UTP20: variants seen among roughly 807,000 people sequenced by gnomAD.
The protein encoded by UTP20 is UTP20 small subunit processome component.
UTP20 carries 164 observed loss-of-function variants against 329.5 expected under a neutral mutation model. The ratio of observed to expected loss-of-function variants is 0.50; its 90% confidence interval spans 0.44 to 0.57. The LOEUF (loss-of-function observed/expected upper bound fraction) is 0.57. Among genes scored for constraint, UTP20 ranks in the 20% least tolerant of loss-of-function variants. UTP20 has a pLI of 0.00. For missense variants in UTP20, 3,055 were observed against 3,284.2 expected (o/e 0.93, Z 1.71); for synonymous variants, 1,151 against 1,159.3 (o/e 0.99, Z 0.14).
chr12:101,368,530 T>C (rs1440894949), intron 48 of UTP20, among the ~76,000 whole-genome samples: 1 of 152,142 alleles, frequency 6.6e-6, no homozygotes, highest in Non-Finnish European at 1.5e-5. Flanking sequence ...TAAATTTGGA[T>C]AGCCTTTAAC....
intron 38 of UTP20, among the ~76,000 whole-genome samples, chr12:101,350,287 C>G (rs181158362): frequency 1.3e-5 from 2 of 152,240 alleles, no homozygotes; most frequent in African/African-American, 4.8e-5. Context: ...CTACCTCTGC[C>G]TCCCAAGTAC....
intron 28 of UTP20, 152 bp downstream of exon 28, chr12:101,333,596 C>G (rs1263756054): frequency 2.0e-6 from 2 of 984,924 alleles, no homozygotes; most frequent in Non-Finnish European, 3.0e-6. Flanking sequence ...GAACACTTTT[C>G]TTTGCCTTCA....
At chr12:101,340,028 A>C (rs568886776) in intron 31 of UTP20, among the ~76,000 whole-genome samples, 1 of 152,302 alleles carries the variant, frequency 6.6e-6, no homozygotes, top group African/African-American at 2.4e-5. Flanking sequence ...GAAAGACCAG[A>C]GTTTGAAAGA....
At chr12:101,370,344 A>G in intron 49 of UTP20, 88 bp from the exon 50 acceptor site, 1 of 1,419,302 alleles carries the variant, frequency 7.0e-7, no homozygotes, top group South Asian at 1.6e-5. Flanking sequence ...GGAAAAGCAT[A>G]CTTGTGTGTT....
chr12:101,309,732 C>G, intron 18 of UTP20, 31 bp from the exon 19 acceptor site: 2 of 1,597,262 alleles, frequency 1.3e-6, no homozygotes, highest in Non-Finnish European at 1.7e-6. Context: ...ATTTCATTAC[C>G]CAATACTAAA....
intron 18 of UTP20, among the ~76,000 whole-genome samples, chr12:101,308,596 A>G (rs1872699222): frequency 1.3e-5 from 2 of 152,124 alleles, no homozygotes; most frequent in Admixed American, 1.3e-4. Context: ...ACCTTTTTAG[A>G]AATGAGTAAG....
Position 101,356,551 on chromosome 12 carries a change from C to T in UTP20, c.5395-3C>T, listed in dbSNP as rs377377428. 13 of 1,601,898 alleles carry T rather than the reference C, an allele frequency of 8.1e-6. No homozygotes were observed. The South Asian group carries it at 9.0e-5, about 11-fold the overall frequency. On this transcript the variant is annotated splice_polypyrimidine_tract_variant and splice_region_variant and intron_variant, in intron 41 of 61. Coordinates refer to ENST00000261637, the MANE Select transcript of UTP20 (RefSeq NM_014503.3). ...TTTAGCTTAACCTAAATTTTTCTTACAGACTAAAAGGGAAGAAGAACACAA... is the reference window on the plus strand; with the variant it reads ...TTTAGCTTAACCTAAATTTTTCTTATAGACTAAAAGGGAAGAAGAACACAA...
Position 101,381,134 on chromosome 12 carries a change from T to C in UTP20, c.7585-6T>C. 1 of 1,612,500 alleles carries C rather than the reference T, an allele frequency of 6.2e-7. No individual in the cohort carries two copies. Among genetic ancestry groups the C allele is most frequent in the Non-Finnish European group, 8.5e-7 (1 of 1,178,518 alleles). On this transcript the variant is annotated splice_region_variant and splice_polypyrimidine_tract_variant and intron_variant, in intron 57 of 61. Transcript: ENST00000261637. The stretch of plus-strand genomic sequence containing the variant: ...TTGTCTACCAATGTCCATTTTCTTT[T>C]CACAGATGAAAAGTATCTCTCTCGC...
At chr12:101,381,313 C>T (rs76515611) in intron 58 of UTP20, 102 bp downstream of exon 58, 4 of 990,860 alleles carry the variant, frequency 4.0e-6, no homozygotes, top group African/African-American at 1.6e-5. Flanking sequence ...GGCCAGATCA[C>T]CCCGAGGTCA....
intron 61 of UTP20, 54 bp downstream of exon 61, chr12:101,385,782 G>C: frequency 6.4e-7 from 1 of 1,574,202 alleles, no homozygotes; most frequent in Non-Finnish European, 8.6e-7. Context: ...TAACTACTAA[G>C]TGTGCATGTT....
chr12:101,289,354 G>A (rs1872063034), intron 6 of UTP20, among the ~76,000 whole-genome samples: 1 of 150,268 alleles, frequency 6.7e-6, no homozygotes, highest in African/African-American at 2.4e-5. Context: ...TCCAGCCTAG[G>A]CGACAGAGCA....
rs775349192 is a variant in UTP20 at position 101,329,433 on chromosome 12, T to C, written c.3401T>C (p.Leu1134Pro). 6.2e-7 allele frequency: 1 copy of C among 1,612,162 alleles called. No individual in the cohort carries two copies. The highest frequency in any genetic ancestry group is 1.7e-5 in the Admixed American group (1 of 59,974). The change falls in exon 27 of 62, where the codon CTT (leucine) becomes CCT (proline). Residue 1134 changes from leucine (L) to proline (P), a missense_variant. Physicochemically the swap from Leu to Pro is moderately conservative, Grantham distance 98. Around this residue, in one of 3 missense-constraint regions of UTP20, gnomAD observed 2,445 missense variants for 2,575.5 expected, o/e 0.95. Coordinates refer to ENST00000261637, the MANE Select transcript of UTP20 (RefSeq NM_014503.3). ...LCMTATVSHI[L>P]DQREKIQLRF... is the part of the protein sequence containing the mutation. ...ATGACAGCAACCGTATCACACATCC[T>C]TGACCAACGAGAAAAGGTTAGATTC...
At chr12:101,375,340 G>A (rs982231735) in intron 55 of UTP20, among the ~76,000 whole-genome samples, 2 of 152,058 alleles carry the variant, frequency 1.3e-5, no homozygotes, top group Non-Finnish European at 2.9e-5. Context: ...CAACTCAGGC[G>A]ATTTTACCCC....
chr12:101,338,790 A>G (rs372786412), intron 30 of UTP20, 23 bp from the exon 31 acceptor site: 78 of 1,567,586 alleles, frequency 5.0e-5, no homozygotes, highest in African/African-American at 4.3e-4. Flanking sequence ...ATTAAAATCA[A>G]ATCAAATCAC....
At chr12:101,378,966 C>G (rs1403399316) in intron 56 of UTP20, among the ~76,000 whole-genome samples, 1 of 152,112 alleles carries the variant, frequency 6.6e-6, no homozygotes, top group African/African-American at 2.4e-5. Context: ...CATAATTATG[C>G]CTACTTATGG....
At chr12:101,318,831 G>GA (rs35483128) in intron 22 of UTP20, among the ~76,000 whole-genome samples, 49,620 of 97,482 alleles carry the variant, frequency 0.51, 12,994 homozygotes, top group East Asian at 0.81. Context: ...ACTCCATCTT[G>GA]AAAAAAAAAA....
intron 26 of UTP20, 30 bp downstream of exon 26, chr12:101,327,277 C>T: frequency 6.5e-7 from 1 of 1,535,350 alleles, no homozygotes; most frequent in Non-Finnish European, 8.9e-7. Flanking sequence ...CACTCTAATA[C>T]CTGTTGTCTG....
rs762365167 is a variant in UTP20 at position 101,306,018 on chromosome 12, G to C, written c.1885G>C (p.Glu629Gln). The C allele has an allele frequency of 6.2e-7, 1 of 1,613,620 alleles. No homozygotes were observed. Among genetic ancestry groups the C allele is most frequent in the Non-Finnish European group, 8.5e-7 (1 of 1,179,772 alleles). ...GCCACTTTCCCAGGAGGCTTTAATG[G>C]AATTATTTCCCAAGTTACAAGCAAA... ...KGPLSQEALM[E>Q]LFPKLQANIS... is the part of the protein sequence containing the mutation. The change falls in exon 16 of 62, where the codon GAA becomes CAA. Residue 629 changes from glutamate to glutamine, a missense_variant. Glu to Gln is a conservative substitution (Grantham distance 29). Around this residue, in one of 3 missense-constraint regions of UTP20, gnomAD observed 2,445 missense variants for 2,575.5 expected, o/e 0.95. Transcript: ENST00000261637.
chr12:101,291,560 A>AAT, intron 8 of UTP20, 182 bp from the exon 9 acceptor site: 8 of 369,228 alleles, frequency 2.2e-5, no homozygotes, highest in Middle Eastern at 8.1e-4. Context: ...AAAAAAAAAA[A>AAT]AAGACTTAGA....
Sources: gnomAD v4.1 joint callset for allele counts (sites outside exome capture counted in the v4.1 genomes callset) on GRCh38, gnomAD v4.1.1 for gene constraint, gnomAD v4.1.1 regional missense constraint, MANE v1.5 for transcripts, NCBI Gene and HGNC (gene_info 2026-07-23, HGNC 2026-07-21) for gene names.